Variants in PPARG observed in about 807,000 individuals in gnomAD.
The protein encoded by PPARG is peroxisome proliferator activated receptor gamma.
PPARG carries 17 observed loss-of-function variants against 39.2 expected under a neutral mutation model. The observed-to-expected ratio is 0.43, with a 90% CI of 0.30 to 0.65. The LOEUF (loss-of-function observed/expected upper bound fraction) is 0.65. Among genes scored for constraint, PPARG ranks in the 30% least tolerant of loss-of-function variants. The pLI, the probability that PPARG is intolerant of heterozygous loss-of-function variation, is 0.13. For missense variants in PPARG, 406 were observed against 585.9 expected, an observed-to-expected ratio of 0.69 and a Z score of 3.17; for synonymous variants, 223 against 215.7, an observed-to-expected ratio of 1.03 and a Z score of -0.30.
chr3:12,290,803 A>G (rs1490569558), intron 1 of PPARG, among the ~76,000 whole-genome samples: 3 of 152,220 alleles, frequency 2.0e-5, no homozygotes, highest in African/African-American at 7.2e-5. Flanking sequence ...AACATATACA[A>G]GTATTAATAA....
At chr3:12,398,188 A>T (rs9876829) in intron 5 of PPARG, among the ~76,000 whole-genome samples, 1,842 of 152,252 alleles carry the variant, frequency 0.012, 50 homozygotes, top group African/African-American at 0.042. Flanking sequence ...TACCGATAGC[A>T]GTAAAAATGA....
intron 2 of PPARG, among the ~76,000 whole-genome samples, chr3:12,336,039 G>A (rs1005297783): frequency 6.6e-6 from 1 of 152,150 alleles, no homozygotes; most frequent in African/African-American, 2.4e-5. Context: ...ACTCTTAAAA[G>A]TGTCCCAGTT....
At chr3:12,319,473 T>A (rs1380467341) in intron 2 of PPARG, among the ~76,000 whole-genome samples, 1 of 152,176 alleles carries the variant, frequency 6.6e-6, no homozygotes, top group Non-Finnish European at 1.5e-5. Flanking sequence ...AACCACTAAA[T>A]TATAAATACA....
chr3:12,389,736 C>T (rs574937885), intron 4 of PPARG, among the ~76,000 whole-genome samples: 10 of 151,556 alleles, frequency 6.6e-5, no homozygotes, highest in African/African-American at 2.4e-4. Flanking sequence ...ACCAAAAATA[C>T]AACAAAAAAA....
intron 2 of PPARG, among the ~76,000 whole-genome samples, chr3:12,372,596 A>C (rs1464082908): frequency 3.3e-5 from 5 of 152,240 alleles, no homozygotes; most frequent in African/African-American, 7.2e-5. Context: ...ACATTTTACC[A>C]GCTATTCTAA....
Position 12,307,138 on chromosome 3 carries a change from C to CT in PPARG, c.-82-5229dup, listed in dbSNP as rs71268430. ...AAAAATCAACCGCTGTTAGGAAATT[C>CT]TTTTTTTTTTTTTGTCTCTCTTAAA... On this transcript the variant is annotated intron_variant, in intron 1 of 7. Transcript: ENST00000651735. Among the ~76,000 whole-genome samples, 161 of 128,762 alleles carry CT rather than the reference C, an allele frequency of 1.3e-3. 1 individual carries two copies. The highest frequency in any genetic ancestry group is 8.8e-3 in the Middle Eastern group (2 of 228). 84.5% of individuals were successfully genotyped at this position (128,762 alleles called of 152,430 possible).
At chr3:12,380,554 G>A (rs941194486) in intron 3 of PPARG, among the ~76,000 whole-genome samples, 1 of 152,174 alleles carries the variant, frequency 6.6e-6, no homozygotes, top group Non-Finnish European at 1.5e-5. Context: ...TTTATCATGT[G>A]TGGGCTGACA....
At chr3:12,306,991 G>T (rs2047086093) in intron 1 of PPARG, among the ~76,000 whole-genome samples, 1 of 151,550 alleles carries the variant, frequency 6.6e-6, no homozygotes, top group African/African-American at 2.4e-5. Flanking sequence ...CCAGCCATTA[G>T]GGAGGCTGAG....
At chr3:12,364,357 G>A (rs1473066234) in intron 2 of PPARG, among the ~76,000 whole-genome samples, 1 of 152,152 alleles carries the variant, frequency 6.6e-6, no homozygotes, top group African/African-American at 2.4e-5. Context: ...ATGCACTTAA[G>A]GTTCTTCCAT....
chr3:12,390,637 C>CTT (rs35190152), intron 4 of PPARG, among the ~76,000 whole-genome samples: 1,656 of 92,328 alleles, frequency 0.018, 119 homozygotes, highest in South Asian at 0.058. Flanking sequence ...TATTTTCTTC[C>CTT]TTTTTTTTTT....
At chr3:12,381,533 A>G in intron 4 of PPARG, 42 bp downstream of exon 4, 1 of 1,592,222 alleles carries the variant, frequency 6.3e-7, no homozygotes, top group South Asian at 1.1e-5. Flanking sequence ...TTGAAACTTT[A>G]TTATTTCATT....
At chr3:12,382,116 A>G (rs2049692868) in intron 4 of PPARG, among the ~76,000 whole-genome samples, 1 of 152,162 alleles carries the variant, frequency 6.6e-6, no homozygotes, top group African/African-American at 2.4e-5. Flanking sequence ...TAAGTGGCAG[A>G]CCGCAGTCTA....
chr3:12,326,174 T>C (rs953405417), intron 2 of PPARG, among the ~76,000 whole-genome samples: 3 of 152,198 alleles, frequency 2.0e-5, no homozygotes, highest in African/African-American at 7.2e-5. Flanking sequence ...GAGTTCTTGC[T>C]ACTCCACCCC....
intron 6 of PPARG, among the ~76,000 whole-genome samples, chr3:12,413,962 G>C (rs1289484010): frequency 6.6e-6 from 1 of 152,138 alleles, no homozygotes; most frequent in Non-Finnish European, 1.5e-5. Context: ...TAAATTGGGA[G>C]AGAAAATTAG....
chr3:12,346,466 A>G (rs2048329995), intron 2 of PPARG, among the ~76,000 whole-genome samples: 1 of 152,212 alleles, frequency 6.6e-6, no homozygotes, highest in African/African-American at 2.4e-5. Flanking sequence ...TTCTGATTCT[A>G]GAGATGAGAA....
At chr3:12,291,309 C>T (rs1559481133) in intron 1 of PPARG, among the ~76,000 whole-genome samples, 1 of 152,154 alleles carries the variant, frequency 6.6e-6, no homozygotes, top group Non-Finnish European at 1.5e-5. Flanking sequence ...TTACAAAGGT[C>T]CTTTGAAACG....
chr3:12,425,450 G>A (rs1310566231), intron 7 of PPARG, among the ~76,000 whole-genome samples: 1 of 152,128 alleles, frequency 6.6e-6, no homozygotes, highest in African/African-American at 2.4e-5. Context: ...CAGAAGTTGA[G>A]GGAGTAAGGA....
Position 12,385,835 on chromosome 3 carries a change from C to T in PPARG, c.390+4344C>T, listed in dbSNP as rs548328164. On this transcript the variant is annotated intron_variant, in intron 4 of 7. Transcript: ENST00000651735. ...TTCATGGGAAAGCCAACTGCAAGCC[C>T]AGCACAGGGCTGTTAATTTCATTGT... 2.0e-5 allele frequency among the ~76,000 whole-genome samples: 3 copies of T among 152,244 alleles called. No homozygotes were observed. The South Asian group carries it at 6.2e-4, about 32-fold the overall frequency.
chr3:12,401,121 T>C (rs1348931406), intron 5 of PPARG, among the ~76,000 whole-genome samples: 5 of 152,228 alleles, frequency 3.3e-5, no homozygotes, highest in Admixed American at 6.5e-5. Context: ...CAATGCAGAA[T>C]GTTCATCTTC....
Sources: allele counts gnomAD v4.1 joint callset (sites outside exome capture counted in the v4.1 genomes callset), GRCh38; gene constraint gnomAD v4.1.1; transcripts MANE v1.5; gene names NCBI Gene and HGNC (gene_info 2026-07-23, HGNC 2026-07-21).